The following DPP6 variants were observed in gnomAD, a reference collection of about 807,000 sequenced individuals.
The protein encoded by DPP6 is dipeptidyl peptidase like 6, also known as A-type potassium channel modulatory protein DPP6.
In DPP6, 69 loss-of-function variants were observed where a neutral mutation model predicts 122.6. The observed-to-expected ratio is 0.56, with a 90% CI of 0.46 to 0.69. The LOEUF (loss-of-function observed/expected upper bound fraction) is 0.69. DPP6 is among the 30% of genes least tolerant of loss of function. The probability of loss-of-function intolerance (pLI) is 0.00; values close to 1 mark genes in which losing one functional copy is unlikely to be tolerated. For synonymous variants in DPP6, 418 were observed against 433.1 expected, an observed-to-expected ratio of 0.97 and a Z score of 0.43; for missense variants, 928 against 1,116.9, an observed-to-expected ratio of 0.83 and a Z score of 2.41.
intron 1 of DPP6, among the ~76,000 whole-genome samples, chr7:154,104,687 A>G (rs1726821223): frequency 6.6e-6 from 1 of 152,262 alleles, no homozygotes; most frequent in Admixed American, 6.5e-5. Context: ...CAGCCAATGT[A>G]AGATCAGATT....
intron 1 of DPP6, among the ~76,000 whole-genome samples, chr7:154,231,982 T>G (rs1030021365): frequency 5.3e-5 from 8 of 152,304 alleles, no homozygotes; most frequent in Admixed American, 6.5e-5. Flanking sequence ...GGTTGCCGTG[T>G]GATAGGAGCC....
At chr7:154,264,101 A>G (rs1803212208) in intron 1 of DPP6, among the ~76,000 whole-genome samples, 1 of 152,150 alleles carries the variant, frequency 6.6e-6, no homozygotes, top group African/African-American at 2.4e-5. Flanking sequence ...CTTCTTTAAC[A>G]CAATTAAAGC....
chr7:154,677,664 TG>T (rs1838999959), intron 7 of DPP6, among the ~76,000 whole-genome samples: 1 of 152,044 alleles, frequency 6.6e-6, no homozygotes, highest in African/African-American at 2.4e-5. Flanking sequence ...GAGGAGCGCG[TG>T]GGGAGAACCA....
At position 153,920,563 on chromosome 7, in the gene DPP6, C is replaced by CTTTTTTTTTTTTTT; in HGVS notation, c.51+32833_51+32846dup. Among the ~76,000 whole-genome samples, 692 of 88,500 alleles carry CTTTTTTTTTTTTTT rather than the reference C, an allele frequency of 7.8e-3. 22 individuals carry two copies. Among genetic ancestry groups the CTTTTTTTTTTTTTT allele is most frequent in the Middle Eastern group, 0.01 (1 of 98 alleles). The allele number at this position is 88,500 out of a possible 152,430, so 58.1% of individuals were successfully genotyped here. On this transcript the variant is annotated intron_variant, in intron 1 of 25. Coordinates refer to the DPP6 transcript ENST00000404039. ...GTCAACCTTTTTCTTTTATCTCTCT[C>CTTTTTTTTTTTTTT]TTTTTTTTTTTTTTTTTGAGATGGA...
At chr7:154,425,094 T>C (rs1199231294) in intron 1 of DPP6, among the ~76,000 whole-genome samples, 1 of 152,192 alleles carries the variant, frequency 6.6e-6, no homozygotes. Flanking sequence ...ACTTATTCTT[T>C]CCAAAAGAAG....
the DPP6 span, among the ~76,000 whole-genome samples, chr7:153,796,569 C>T: frequency 4.6e-5 from 7 of 152,100 alleles, no homozygotes; most frequent in East Asian, 1.9e-4. Context: ...TTGTTATTTA[C>T]GGTGGGTCCC....
chr7:154,623,599 G>A (rs983504325), intron 5 of DPP6, among the ~76,000 whole-genome samples: 2 of 138,432 alleles, frequency 1.4e-5, no homozygotes, highest in African/African-American at 5.5e-5. Flanking sequence ...GCACACACAC[G>A]CTGACACACA....
rs1795253562 is a variant in DPP6 at position 153,959,776 on chromosome 7, C to A, written c.51+72042C>A. ...CAATAAGGCTGTTTTGCTTTCTTAT[C>A]ATTCATGTGTTCACTGGAGTAGCAC... is the stretch of plus-strand genomic sequence containing the variant. On this transcript the variant is annotated intron_variant, in intron 1 of 25. Transcript: ENST00000404039. Among the ~76,000 whole-genome samples, 7 of 152,314 alleles carry A rather than the reference C, an allele frequency of 4.6e-5. No homozygotes were observed. In the South Asian group the frequency reaches 1.2e-3, roughly 27 times the overall value.
chr7:154,517,286 C>A (rs1235346514), intron 3 of DPP6, among the ~76,000 whole-genome samples: 1 of 152,172 alleles, frequency 6.6e-6, no homozygotes, highest in Non-Finnish European at 1.5e-5. Context: ...TTGTAACACT[C>A]ATTGCAGCAT....
intron 1 of DPP6, among the ~76,000 whole-genome samples, chr7:154,099,130 G>A (rs937254577): frequency 6.6e-6 from 1 of 151,064 alleles, no homozygotes; most frequent in Non-Finnish European, 1.5e-5. Context: ...TCCATGTAAG[G>A]ATAGGGGCTC....
At chr7:154,662,597 C>T (rs369849927) in intron 6 of DPP6, among the ~76,000 whole-genome samples, 7 of 63,224 alleles carry the variant, frequency 1.1e-4, no homozygotes, top group Non-Finnish European at 9.0e-5. Flanking sequence ...CATGGCGTAT[C>T]GGCCGTAGTG....
intron 1 of DPP6, among the ~76,000 whole-genome samples, chr7:153,913,034 G>T (rs1055411417): frequency 6.6e-6 from 1 of 152,156 alleles, no homozygotes; most frequent in Admixed American, 6.5e-5. Context: ...GTAACTGTGT[G>T]TAAAGGTTTT....
chr7:154,884,947 C>T (rs913375023), intron 21 of DPP6: 2 of 152,544 alleles, frequency 1.3e-5, no homozygotes, highest in African/African-American at 4.8e-5. Context: ...TGCTCTGTCT[C>T]TCACACATAC....
chr7:154,063,698 G>C (rs992050516), intron 1 of DPP6, among the ~76,000 whole-genome samples: 26 of 124,232 alleles, frequency 2.1e-4, no homozygotes, highest in African/African-American at 8.5e-4. Flanking sequence ...GGCACCTCCC[G>C]TGAGGTGGGG....
chr7:154,402,555 A>C (rs1356325522), intron 1 of DPP6, among the ~76,000 whole-genome samples: 1 of 144,558 alleles, frequency 6.9e-6, no homozygotes, highest in Non-Finnish European at 1.5e-5. Flanking sequence ...CAATGAGAAC[A>C]CATGGACACA....
chr7:154,269,939 T>C (rs28408273), intron 1 of DPP6, among the ~76,000 whole-genome samples: 6,833 of 152,280 alleles, frequency 0.045, 499 homozygotes, highest in African/African-American at 0.15. Flanking sequence ...CTTCATCTGG[T>C]GTCAAACCCT....
In DPP6 at chr7:154,130,057, C is replaced by T. The variant is rs559995432; in HGVS notation, c.243+76994C>T. On this transcript the variant is annotated intron_variant, in intron 1 of 25. Coordinates refer to ENST00000377770, the MANE Select transcript of DPP6 (RefSeq NM_130797.4). The stretch of plus-strand genomic sequence containing the variant: ...TGAGCCGAGATCGCGCCATTGCACT[C>T]CAGTCTGGGTGGCAGAGTAAGACTC... Among the ~76,000 whole-genome samples the T allele has an allele frequency of 4.8e-3, 731 of 151,754 alleles. 6 individuals are homozygous for T. The highest frequency in any genetic ancestry group is 0.017 in the African/African-American group (697 of 41,354).
intron 16 of DPP6, among the ~76,000 whole-genome samples, chr7:154,838,194 A>G (rs1801235858): frequency 6.6e-6 from 1 of 152,260 alleles, no homozygotes; most frequent in Admixed American, 6.5e-5. Flanking sequence ...CATGGAACTA[A>G]GAGCTTCCAG....
At position 154,590,030 on chromosome 7, in the gene DPP6, G is replaced by A. The variant is rs930943647; in HGVS notation, c.627+23114G>A. ...GGTTTTATGACTGTGGATGGGAAGA[G>A]GGGATGCAGAGGATAGGACCAAGCA... On this transcript the variant is annotated intron_variant, in intron 5 of 25. Coordinates refer to ENST00000377770, the MANE Select transcript of DPP6 (RefSeq NM_130797.4). 2.6e-5 allele frequency among the ~76,000 whole-genome samples: 4 copies of A among 152,206 alleles called. No homozygotes were observed. In the South Asian group the frequency reaches 6.2e-4, roughly 24 times the overall value.
Sources: allele counts gnomAD v4.1 joint callset (sites outside exome capture counted in the v4.1 genomes callset), GRCh38; gene constraint gnomAD v4.1.1; transcripts MANE v1.5; gene names NCBI Gene and HGNC (gene_info 2026-07-23, HGNC 2026-07-21).